Variants in MLIP observed in about 807,000 individuals in gnomAD.
The protein encoded by MLIP is muscular LMNA-interacting protein.
Under a neutral mutation model 84.8 loss-of-function variants are expected in MLIP, and 79 were observed. The observed-to-expected ratio is 0.93, with a 90% CI of 0.78 to 1.12. The LOEUF (loss-of-function observed/expected upper bound fraction) is 1.12, where lower values mean the gene tolerates loss of function less well. Among genes scored for constraint, MLIP ranks in the 50% most tolerant of loss-of-function variants. The pLI is 0.00. For missense variants in MLIP, 1,257 were observed against 1,160.6 expected, an observed-to-expected ratio of 1.08 and a Z score of -1.21; for synonymous variants, 504 against 463.0, an observed-to-expected ratio of 1.09 and a Z score of -1.14.
intron 1 of MLIP, among the ~76,000 whole-genome samples, chr6:54,094,969 C>T (rs540550302): frequency 7.2e-5 from 11 of 152,252 alleles, no homozygotes; most frequent in Middle Eastern, 3.4e-3. Context: ...ACAAACATTT[C>T]GAAAACACTC....
chr6:54,059,624 C>A (rs1765850933), intron 1 of MLIP, among the ~76,000 whole-genome samples: 1 of 152,154 alleles, frequency 6.6e-6, no homozygotes, highest in East Asian at 1.9e-4. Context: ...TGCAAAGTCA[C>A]ACAATTAATG....
intron 1 of MLIP, among the ~76,000 whole-genome samples, chr6:54,023,115 T>C (rs1451121322): frequency 6.6e-6 from 1 of 151,188 alleles, no homozygotes. Flanking sequence ...TGCAGTGAGC[T>C]GAGATTGCGC....
Position 54,149,125 on chromosome 6 carries a change from A to T in MLIP, c.2287A>T (p.Lys763Ter). Reference sequence around the variant, plus strand: ...TACAAACACATTGCTTTTGGAACAGAAGGTCAGTGTTGGCTCAAAAACAGT... The same window carrying T: ...TACAAACACATTGCTTTTGGAACAGTAGGTCAGTGTTGGCTCAAAAACAGT... ...IPTNTLLLEQ[K>*]ALDEPAKTES... The change falls in exon 5 of 14, where the codon AAG (lysine) becomes TAG (stop). Residue 763 changes from lysine to a stop codon, truncating the protein, a stop_gained and splice_region_variant. Coordinates refer to ENST00000502396, the MANE Select transcript of MLIP (RefSeq NM_001281747.2). LOFTEE classifies it high-confidence loss of function. The T allele has an allele frequency of 6.2e-7, 1 of 1,612,172 alleles. No homozygotes were observed. Among genetic ancestry groups the T allele is most frequent in the Non-Finnish European group, 8.5e-7 (1 of 1,178,648 alleles).
intron 8 of MLIP, among the ~76,000 whole-genome samples, chr6:54,164,987 A>G (rs972528938): frequency 2.0e-5 from 3 of 151,978 alleles, no homozygotes; most frequent in African/African-American, 7.2e-5. Context: ...TAGGAGTGGA[A>G]TAGAGGAAAC....
intron 12 of MLIP, among the ~76,000 whole-genome samples, chr6:54,252,558 A>G (rs1265883891): frequency 6.8e-6 from 1 of 146,638 alleles, no homozygotes; most frequent in Non-Finnish European, 1.5e-5. Context: ...ATAACCTATA[A>G]CATATTATCA....
At chr6:54,147,829 G>C (rs1773021649) in intron 4 of MLIP, among the ~76,000 whole-genome samples, 2 of 152,096 alleles carry the variant, frequency 1.3e-5, no homozygotes, top group Admixed American at 1.3e-4. Context: ...TATGACACTT[G>C]CTGGCATGCA....
chr6:54,036,241 G>T (rs1239488458), intron 1 of MLIP, among the ~76,000 whole-genome samples: 1 of 141,626 alleles, frequency 7.1e-6, no homozygotes, highest in East Asian at 2.0e-4. Context: ...AGTCACCACT[G>T]TTTTTTTTTT....
At chr6:54,117,557 C>CA (rs1281505719) in intron 1 of MLIP, among the ~76,000 whole-genome samples, 1 of 151,854 alleles carries the variant, frequency 6.6e-6, no homozygotes, top group Non-Finnish European at 1.5e-5. Flanking sequence ...AAGTCCTAGC[C>CA]ACAGCAATTA....
At chr6:54,161,630 T>C (rs1582336997) in intron 8 of MLIP, among the ~76,000 whole-genome samples, 2 of 151,986 alleles carry the variant, frequency 1.3e-5, no homozygotes, top group East Asian at 3.9e-4. Flanking sequence ...TATGGGACAC[T>C]GTGTGTCTAA....
intron 4 of MLIP, 46 bp from the exon 5 acceptor site, chr6:54,149,009 CT>C: frequency 6.8e-7 from 1 of 1,476,972 alleles, no homozygotes; most frequent in Non-Finnish European, 9.4e-7. Flanking sequence ...ATGTCATATT[CT>C]TTCCCATTTT....
chr6:54,089,540 G>A (rs1582113116), intron 1 of MLIP, among the ~76,000 whole-genome samples: 1 of 152,208 alleles, frequency 6.6e-6, no homozygotes, highest in African/African-American at 2.4e-5. Flanking sequence ...CTGATGGATG[G>A]CTTATATGAC....
intron 10 of MLIP, among the ~76,000 whole-genome samples, chr6:54,193,248 T>G (rs1217545026): frequency 6.6e-6 from 1 of 152,152 alleles, no homozygotes; most frequent in East Asian, 1.9e-4. Flanking sequence ...AAATTAGAGA[T>G]GAAAATATTG....
intron 2 of MLIP, among the ~76,000 whole-genome samples, chr6:54,123,972 A>G (rs984352594): frequency 6.6e-6 from 1 of 152,168 alleles, no homozygotes; most frequent in African/African-American, 2.4e-5. Flanking sequence ...TCCCTAATTA[A>G]CTTAGATTGT....
chr6:54,057,642 G>T (rs925188488), intron 1 of MLIP, among the ~76,000 whole-genome samples: 1 of 152,114 alleles, frequency 6.6e-6, no homozygotes, highest in Non-Finnish European at 1.5e-5. Context: ...GCTAGATCAC[G>T]TCCAGTCATG....
At chr6:54,163,197 T>C (rs1013167529) in intron 8 of MLIP, among the ~76,000 whole-genome samples, 8 of 151,966 alleles carry the variant, frequency 5.3e-5, no homozygotes, top group African/African-American at 1.9e-4. Flanking sequence ...ATAGTGACTT[T>C]ATATTTATAA....
chr6:54,163,683 A>G (rs1774890231), intron 8 of MLIP, among the ~76,000 whole-genome samples: 1 of 151,984 alleles, frequency 6.6e-6, no homozygotes, highest in Non-Finnish European at 1.5e-5. Context: ...AAGCACATAC[A>G]TATACAATTT....
At chr6:54,171,736 AAAT>A (rs1250629922) in intron 9 of MLIP, among the ~76,000 whole-genome samples, 1 of 151,544 alleles carries the variant, frequency 6.6e-6, no homozygotes, top group Non-Finnish European at 1.5e-5. Flanking sequence ...TTTCTTCTAA[AAAT>A]TCTAATATTC....
chr6:54,160,812 T>G lies in MLIP; in HGVS notation c.2499+13T>G, dbSNP rs761483920. On this transcript the variant is annotated intron_variant, in intron 8 of 13. Coordinates refer to ENST00000502396, the MANE Select transcript of MLIP (RefSeq NM_001281747.2). ...TGACACAGTCAAAGTATGTATGTAT[T>G]TAATATAATTTATGGAACCATAAGA... The G allele has an allele frequency of 7.5e-6, 12 of 1,596,404 alleles. No individual in the cohort carries two copies. The Admixed American group carries it at 1.9e-4, about 25-fold the overall frequency.
chr6:54,040,005 G>A (rs916974594), intron 1 of MLIP, among the ~76,000 whole-genome samples: 3 of 151,964 alleles, frequency 2.0e-5, no homozygotes, highest in Non-Finnish European at 4.4e-5. Context: ...AAGAGCACAG[G>A]TACTTGTTAA....
Sources: gnomAD v4.1 joint callset for allele counts (sites outside exome capture counted in the v4.1 genomes callset) on GRCh38, gnomAD v4.1.1 for gene constraint, MANE v1.5 for transcripts, NCBI Gene and HGNC (gene_info 2026-07-23, HGNC 2026-07-21) for gene names.